Variants in BEND5 observed in about 807,000 individuals in gnomAD.
BEND5 encodes BEN domain-containing protein 5.
In BEND5, 22 loss-of-function variants were observed where a neutral mutation model predicts 43.9. The observed-to-expected ratio is 0.50, with a 90% CI of 0.36 to 0.72. BEND5 has a LOEUF of 0.72. BEND5 is among the 30% of genes least tolerant of loss of function. The pLI is 0.00. For missense variants in BEND5, 428 were observed against 550.6 expected (o/e 0.78, Z 2.23); for synonymous variants, 228 against 225.9 (o/e 1.01, Z -0.08).
At chr1:48,732,100 T>C (rs933206097) in intron 5 of BEND5, among the ~76,000 whole-genome samples, 1 of 151,828 alleles carries the variant, frequency 6.6e-6, no homozygotes, top group South Asian at 2.1e-4. Flanking sequence ...TAAGAGAGAT[T>C]TGGGGCCAAA....
At chr1:48,772,320 T>G (rs1163611216) in intron 1 of BEND5, among the ~76,000 whole-genome samples, 1 of 152,182 alleles carries the variant, frequency 6.6e-6, no homozygotes, top group Non-Finnish European at 1.5e-5. Context: ...TGAAGCAAGG[T>G]CTCCAAATGT....
chr1:48,770,621 C>T (rs990320962), intron 1 of BEND5, among the ~76,000 whole-genome samples: 1 of 152,220 alleles, frequency 6.6e-6, no homozygotes, highest in Non-Finnish European at 1.5e-5. Flanking sequence ...CCTCAGACCA[C>T]ATGCCTACTT....
chr1:48,774,761 T>C (rs1023074178), intron 1 of BEND5, among the ~76,000 whole-genome samples: 1 of 152,216 alleles, frequency 6.6e-6, no homozygotes, highest in Non-Finnish European at 1.5e-5. Flanking sequence ...TCTGCCTAAG[T>C]GGCCTCTCTG....
intron 3 of BEND5, among the ~76,000 whole-genome samples, chr1:48,750,648 G>A (rs1009751576): frequency 5.3e-5 from 8 of 152,288 alleles, no homozygotes; most frequent in East Asian, 3.9e-4. Flanking sequence ...CACAGGGCTC[G>A]GAACAGAGGA....
intron 2 of BEND5, among the ~76,000 whole-genome samples, chr1:48,760,143 A>G (rs898005845): frequency 6.6e-6 from 1 of 152,210 alleles, no homozygotes; most frequent in African/African-American, 2.4e-5. Flanking sequence ...GTGGATAGAG[A>G]GAAGAAAGTT....
chr1:48,749,755 T>C (rs1276020071), intron 3 of BEND5, among the ~76,000 whole-genome samples: 1 of 152,220 alleles, frequency 6.6e-6, no homozygotes, highest in East Asian at 1.9e-4. Flanking sequence ...ACTGGACTGG[T>C]TCTTCATCTG....
In BEND5 at chr1:48,727,811, A is replaced by T; in HGVS notation, c.*75T>A. The T allele has an allele frequency of 7.0e-7, 1 of 1,438,760 alleles. No homozygotes were observed. The highest frequency in any genetic ancestry group is 9.6e-7 in the Non-Finnish European group (1 of 1,040,006). The allele number at this position is 1,438,760 out of a possible 1,614,324, so 89.1% of individuals were successfully genotyped here. On this transcript the variant is annotated 3_prime_UTR_variant, in exon 6 of 6. Transcript: ENST00000371833. Reference sequence around the variant, plus strand: ...ACACCACCATGCACGGTGGGGTCTGATTTGGACGGCACCATCGCTCGCAAA... The same window carrying T: ...ACACCACCATGCACGGTGGGGTCTGTTTTGGACGGCACCATCGCTCGCAAA...
Position 48,759,109 on chromosome 1 carries a change from G to C in BEND5, c.536C>G (p.Pro179Arg), listed in dbSNP as rs750693064. ...CAGCAGCTCCTCATACAGAGCCCGG[G>C]GCACCACAGCATCTTCTAGACTGTC... ...DMDSLEDAVV[P>R]RALYEELLRN... Residue 179 changes from proline (P) to arginine (R), a missense_variant, in exon 3 of 6, where the codon CCC becomes CGC. Physicochemically the swap from Pro to Arg is moderately radical, Grantham distance 103. Coordinates refer to ENST00000371833, the MANE Select transcript of BEND5 (RefSeq NM_024603.4). The C allele has an allele frequency of 6.2e-7, 1 of 1,612,108 alleles. No homozygotes were observed. The highest frequency in any genetic ancestry group is 1.7e-5 in the Admixed American group (1 of 59,796).
At chr1:48,732,662 T>C (rs1648332786) in intron 5 of BEND5, among the ~76,000 whole-genome samples, 1 of 152,026 alleles carries the variant, frequency 6.6e-6, no homozygotes, top group South Asian at 2.1e-4. Context: ...CCTCCAGGGC[T>C]ACAGCACAAT....
chr1:48,740,202 C>T (rs768648898), intron 4 of BEND5, among the ~76,000 whole-genome samples: 1 of 152,124 alleles, frequency 6.6e-6, no homozygotes, highest in African/African-American at 2.4e-5. Flanking sequence ...AGGTATAGGC[C>T]GGGGCATTTG....
At chr1:48,767,116 C>T (rs1221209034) in intron 1 of BEND5, among the ~76,000 whole-genome samples, 1 of 152,124 alleles carries the variant, frequency 6.6e-6, no homozygotes, top group Non-Finnish European at 1.5e-5. Context: ...AGAGGGTGGC[C>T]CAGTATCTAG....
At chr1:48,773,735 A>G (rs1644946092) in intron 1 of BEND5, among the ~76,000 whole-genome samples, 2 of 152,194 alleles carry the variant, frequency 1.3e-5, no homozygotes, top group African/African-American at 4.8e-5. Flanking sequence ...CTGTGTTCCA[A>G]TTCCAGCCTT....
At chr1:48,768,522 A>T (rs1469294610) in intron 1 of BEND5, among the ~76,000 whole-genome samples, 1 of 152,222 alleles carries the variant, frequency 6.6e-6, no homozygotes, top group Non-Finnish European at 1.5e-5. Flanking sequence ...TAATAGGCAA[A>T]TGGTGTTTTA....
chr1:48,769,549 ACACACACACACACACACACAC>A (rs1644703434), intron 1 of BEND5, among the ~76,000 whole-genome samples: 1 of 146,762 alleles, frequency 6.8e-6, no homozygotes, highest in African/African-American at 2.6e-5. Context: ...ACACACACAC[ACACACACACACACACACACAC>A]AAGTTAAATT....
At chr1:48,761,615 C>G (rs753284978) in intron 1 of BEND5, 145 bp from the exon 2 acceptor site, 1 of 805,466 alleles carries the variant, frequency 1.2e-6, no homozygotes, top group Non-Finnish European at 1.9e-6. Flanking sequence ...AGGCTGGTTC[C>G]CTCTTGCATG....
intron 1 of BEND5, among the ~76,000 whole-genome samples, chr1:48,773,306 G>A: frequency 6.6e-6 from 1 of 152,130 alleles, no homozygotes; most frequent in Non-Finnish European, 1.5e-5. Context: ...ATTGCAGTTA[G>A]ATGATGGTGA....
intron 3 of BEND5, among the ~76,000 whole-genome samples, chr1:48,747,641 C>G (rs960083088): frequency 1.3e-5 from 2 of 152,208 alleles, no homozygotes; most frequent in Admixed American, 1.3e-4. Flanking sequence ...CCTCTTTAAG[C>G]CCTACTGGCT....
At chr1:48,732,936 T>C (rs1446352230) in intron 5 of BEND5, among the ~76,000 whole-genome samples, 1 of 151,786 alleles carries the variant, frequency 6.6e-6, no homozygotes, top group Non-Finnish European at 1.5e-5. Flanking sequence ...GGTTTCTCAG[T>C]GAAGGAGGAA....
At chr1:48,771,399 T>C (rs987361578) in intron 1 of BEND5, among the ~76,000 whole-genome samples, 28 of 152,306 alleles carry the variant, frequency 1.8e-4, no homozygotes, top group African/African-American at 6.7e-4. Context: ...AAAAAGCAAC[T>C]TGCCTGGGAC....
Sources: allele counts gnomAD v4.1 joint callset (sites outside exome capture counted in the v4.1 genomes callset), GRCh38; gene constraint gnomAD v4.1.1; transcripts MANE v1.5; gene names NCBI Gene and HGNC (gene_info 2026-07-23, HGNC 2026-07-21).